Variants in FBXO34 observed in about 807,000 individuals in gnomAD.
The protein encoded by FBXO34 is F-box protein 34.
FBXO34 carries 12 observed loss-of-function variants against 24.5 expected under a neutral mutation model. The observed-to-expected ratio is 0.49, with a 90% CI of 0.31 to 0.79. FBXO34 has a LOEUF of 0.79. Ranked by LOEUF, FBXO34 falls within the 30% of genes least tolerant of loss-of-function variation. The pLI, the probability that FBXO34 is intolerant of heterozygous loss-of-function variation, is 0.04. For synonymous variants in FBXO34, 320 were observed against 311.9 expected, an observed-to-expected ratio of 1.03 and a Z score of -0.27; for missense variants, 823 against 857.7, an observed-to-expected ratio of 0.96 and a Z score of 0.51.
intron 1 of FBXO34, among the ~76,000 whole-genome samples, chr14:55,285,934 A>C (rs1594726170): frequency 1.3e-5 from 2 of 152,158 alleles, no homozygotes; most frequent in Admixed American, 1.3e-4. Flanking sequence ...GACAGTTACT[A>C]ATCTTTGTTT....
Position 55,323,024 on chromosome 14 carries a change from A to AAAAAAAAAAC in FBXO34, c.-10-27348_-10-27347insCAAAAAAAAA, listed in dbSNP as rs373936238. On this transcript the variant is annotated intron_variant, in intron 1 of 1. Transcript: ENST00000313833. ...CCATCTCTACTAAAAATACAAAAAA[A>AAAAAAAAAAC]AAAAAAAAAGCAAAAACGGGCATGA... 2.7e-3 allele frequency among the ~76,000 whole-genome samples: 189 copies of AAAAAAAAAAC among 70,622 alleles called. 1 individual carries two copies. The highest frequency in any genetic ancestry group is 8.2e-3 in the African/African-American group (183 of 22,428). 46.3% of individuals were successfully genotyped at this position (70,622 alleles called of 152,430 possible).
the FBXO34 span, chr14:55,411,795 G>A: frequency 2.2e-5 from 35 of 1,599,620 alleles, no homozygotes; most frequent in Non-Finnish European, 2.9e-5. Flanking sequence ...TCCAGCGCCC[G>A]GGCTCCCTTC....
At chr14:55,377,981 T>A in the FBXO34 span, 1 of 1,605,614 alleles carries the variant, frequency 6.2e-7, no homozygotes, top group Non-Finnish European at 8.5e-7. Context: ...CTATTTTTCA[T>A]ACCTGAGAAA....
chr14:55,405,830 G>A, the FBXO34 span, among the ~76,000 whole-genome samples: 1 of 150,144 alleles, frequency 6.7e-6, no homozygotes, highest in Non-Finnish European at 1.5e-5. Flanking sequence ...AAAGGCAGAT[G>A]ACAGGGAACA....
At chr14:55,356,620 T>TTTA, downstream of FBXO34, among the ~76,000 whole-genome samples, 1 of 149,720 alleles carries the variant, frequency 6.7e-6, no homozygotes, top group African/African-American at 2.4e-5. Flanking sequence ...CCCAGCTGAT[T>TTTA]TTTTTATTTT....
chr14:55,319,988 T>A (rs551510334), intron 1 of FBXO34, among the ~76,000 whole-genome samples: 1 of 152,084 alleles, frequency 6.6e-6, no homozygotes, highest in African/African-American at 2.4e-5. Flanking sequence ...TCCTGAACTT[T>A]CATAGGAAAC....
chr14:55,333,431 T>C (rs1464063573), intron 1 of FBXO34, among the ~76,000 whole-genome samples: 1 of 152,222 alleles, frequency 6.6e-6, no homozygotes, highest in Non-Finnish European at 1.5e-5. Context: ...ATAATTGAAG[T>C]ACCTAATGGT....
chr14:55,292,113 G>C lies in FBXO34; in HGVS notation c.-11+20576G>C, dbSNP rs548461127. On this transcript the variant is annotated intron_variant, in intron 1 of 1. Coordinates refer to ENST00000313833, the MANE Select transcript of FBXO34 (RefSeq NM_017943.4). ...TACCCTTTAACCTAATGGGGAAAAA[G>C]AAAGTAATATATATTTTTTGGTTCT... 2.6e-5 allele frequency among the ~76,000 whole-genome samples: 4 copies of C among 152,206 alleles called. No individual in the cohort carries two copies. In the South Asian group the frequency reaches 8.3e-4, roughly 32 times the overall value.
In FBXO34 at chr14:55,351,933, G is replaced by A. The variant is rs748300163; in HGVS notation, c.1543G>A (p.Ala515Thr). ...AGAGGCCAGCCAGCTTGAAGATGCT[G>A]CTGGGGGTGACAGTGCATCTGAGGA... ...SSEASQLEDA[A>T]GGDSASEEKS... Residue 515 changes from alanine (A) to threonine (T), a missense_variant, in exon 2 of 2, where the codon GCT becomes ACT. Coordinates refer to ENST00000313833, the MANE Select transcript of FBXO34 (RefSeq NM_017943.4). 6.2e-7 allele frequency: 1 copy of A among 1,614,164 alleles called. No individual in the cohort carries two copies. The highest frequency in any genetic ancestry group is 8.5e-7 in the Non-Finnish European group (1 of 1,180,026).
the FBXO34 span, chr14:55,433,669 A>G: frequency 6.2e-7 from 1 of 1,614,148 alleles, no homozygotes; most frequent in Non-Finnish European, 8.5e-7. Context: ...AGAGCTAAAT[A>G]TAAGGGCTGT....
intron 1 of FBXO34, chr14:55,298,875 G>A (rs1235420044): frequency 5.0e-6 from 8 of 1,607,248 alleles, no homozygotes; most frequent in Non-Finnish European, 6.8e-6. Context: ...ATCAACCATC[G>A]AGTTCCAGCA....
At chr14:55,300,811 C>T (rs1254633704) in intron 1 of FBXO34, among the ~76,000 whole-genome samples, 1 of 152,160 alleles carries the variant, frequency 6.6e-6, no homozygotes, top group African/African-American at 2.4e-5. Context: ...TTTTCCCACA[C>T]AGTATTTTAG....
chr14:55,429,311 G>A, the FBXO34 span, among the ~76,000 whole-genome samples: 4 of 152,208 alleles, frequency 2.6e-5, no homozygotes, highest in Non-Finnish European at 4.4e-5. Context: ...CTTCACCTGG[G>A]AACTTGTTAG....
chr14:55,411,807 C>T, the FBXO34 span: 130 of 1,595,728 alleles, frequency 8.1e-5, no homozygotes, highest in Admixed American at 2.1e-3. Flanking sequence ...GCTCCCTTCC[C>T]ACTGGGAGAC....
chr14:55,325,553 G>T (rs764333407), intron 1 of FBXO34, among the ~76,000 whole-genome samples: 1 of 151,796 alleles, frequency 6.6e-6, no homozygotes, highest in Non-Finnish European at 1.5e-5. Context: ...TCGGCTCATC[G>T]CAACCTCCGC....
chr14:55,330,617 C>CA (rs928764780), intron 1 of FBXO34, among the ~76,000 whole-genome samples: 3 of 151,424 alleles, frequency 2.0e-5, no homozygotes, highest in Admixed American at 6.6e-5. Flanking sequence ...GACATCTCTA[C>CA]AAAAAAAATT....
intron 1 of FBXO34, among the ~76,000 whole-genome samples, chr14:55,308,850 T>C (rs956806471): frequency 2.0e-5 from 3 of 152,212 alleles, no homozygotes; most frequent in East Asian, 3.8e-4. Flanking sequence ...AAGTTACTTA[T>C]TTTTGCTGGT....
At chr14:55,280,288 TCTGTGGGTTTATCATCCATG>T (rs1430086391) in intron 1 of FBXO34, among the ~76,000 whole-genome samples, 4 of 152,136 alleles carry the variant, frequency 2.6e-5, no homozygotes, top group African/African-American at 9.7e-5. Context: ...TAGCCCTCTA[TCTGTGGGTTTATCATCCATG>T]GATCCAACCA....
At chr14:55,277,376 G>A (rs1272895751) in intron 1 of FBXO34, among the ~76,000 whole-genome samples, 1 of 152,212 alleles carries the variant, frequency 6.6e-6, no homozygotes, top group Non-Finnish European at 1.5e-5. Flanking sequence ...CTGAAGTACA[G>A]TGGTGCAATT....
Sources: gnomAD v4.1 joint callset for allele counts (sites outside exome capture counted in the v4.1 genomes callset) on GRCh38, gnomAD v4.1.1 for gene constraint, MANE v1.5 for transcripts, NCBI Gene and HGNC (gene_info 2026-07-23, HGNC 2026-07-21) for gene names.